Variants in LHFPL3 observed in about 807,000 individuals in gnomAD.
LHFPL3 encodes LHFPL tetraspan subfamily member 3 protein.
A neutral mutation model predicts 19.3 loss-of-function variants in LHFPL3; 5 were observed. The observed-to-expected ratio is 0.26, with a 90% confidence interval of 0.14 to 0.54. The LOEUF is 0.54. LHFPL3 is among the 20% of genes least tolerant of loss of function. The pLI is 0.94. For missense variants in LHFPL3, 249 were observed against 307.4 expected, an observed-to-expected ratio of 0.81 and a Z score of 1.42; for synonymous variants, 133 against 126.2, an observed-to-expected ratio of 1.05 and a Z score of -0.36.
chr7:104,581,125 C>A (rs979561411), intron 1 of LHFPL3, among the ~76,000 whole-genome samples: 14 of 151,832 alleles, frequency 9.2e-5, no homozygotes, highest in African/African-American at 3.4e-4. Context: ...GTGATTGATC[C>A]ATTTTTACAC....
intron 2 of LHFPL3, chr7:104,768,658 G>A (rs961787788): frequency 6.6e-6 from 1 of 152,148 alleles, no homozygotes; most frequent in East Asian, 1.9e-4. Flanking sequence ...AGCAAGCAAA[G>A]CCCTCGGCAC....
At chr7:104,894,342 T>C (rs1182223988) in intron 2 of LHFPL3, among the ~76,000 whole-genome samples, 4 of 152,186 alleles carry the variant, frequency 2.6e-5, no homozygotes. Flanking sequence ...GTAGCTATTA[T>C]CATTATAGGG....
rs557257720 is a variant in LHFPL3, at chr7:104,759,083, C to T, written c.682+22172C>T. 3.3e-5 allele frequency among the ~76,000 whole-genome samples: 5 copies of T among 152,318 alleles called. No individual in the cohort carries two copies. The East Asian group carries it at 7.7e-4, about 23-fold the overall frequency. On this transcript the variant is annotated intron_variant, in intron 2 of 2. Transcript: ENST00000424859. ...GAGGACAAATAGACATCTGAGAGAA[C>T]TGCCTTTTATTGTCTGTTGTTAAGC...
intron 1 of LHFPL3, among the ~76,000 whole-genome samples, chr7:104,669,970 T>C (rs950714160): frequency 5.3e-5 from 8 of 152,204 alleles, no homozygotes; most frequent in Admixed American, 3.9e-4. Flanking sequence ...ATTTCTACCT[T>C]TTAGTTTTTT....
intron 1 of LHFPL3, among the ~76,000 whole-genome samples, chr7:104,711,018 A>G (rs547504392): frequency 2.0e-5 from 3 of 152,352 alleles, no homozygotes; most frequent in African/African-American, 7.2e-5. Context: ...TTAGGTCATG[A>G]TAGGTTTAGA....
intron 1 of LHFPL3, among the ~76,000 whole-genome samples, chr7:104,396,594 T>C (rs1461016345): frequency 1.3e-5 from 2 of 150,854 alleles, no homozygotes; most frequent in Non-Finnish European, 2.9e-5. Flanking sequence ...GCCCATACCC[T>C]TCATTAGATT....
intron 2 of LHFPL3, among the ~76,000 whole-genome samples, chr7:104,770,552 A>G (rs1459663389): frequency 6.6e-6 from 1 of 152,242 alleles, no homozygotes; most frequent in African/African-American, 2.4e-5. Context: ...TAAGCTTCGT[A>G]CCATTCTCAG....
intron 1 of LHFPL3, among the ~76,000 whole-genome samples, chr7:104,699,170 T>A (rs1471507233): frequency 6.6e-6 from 1 of 152,180 alleles, no homozygotes; most frequent in Non-Finnish European, 1.5e-5. Context: ...TACCAGATGA[T>A]CCAGCAATAC....
Position 104,418,428 on chromosome 7 carries a change from A to G in LHFPL3, c.445+89204A>G, listed in dbSNP as rs59812064. 7.5e-3 allele frequency among the ~76,000 whole-genome samples: 1,144 copies of G among 152,208 alleles called. 76 individuals carry two copies. The East Asian group carries it at 0.16, about 22-fold the overall frequency. On this transcript the variant is annotated intron_variant, in intron 1 of 2. Transcript: ENST00000424859. ...GCACCTGTAGTCTTGGCTGCTTGGG[A>G]GGCTGAGGCAGGAGGAACACTTGAG...
In LHFPL3 at chr7:104,906,470, A is replaced by G; in HGVS notation, c.*255A>G. ...GCTCATTGGAAACTCATTGGATGAG[A>G]TCAGAAAACGTTCATGAAAAATCAT... On this transcript the variant is annotated 3_prime_UTR_variant, in exon 3 of 3. Coordinates refer to ENST00000424859, the MANE Select transcript of LHFPL3 (RefSeq NM_199000.3). 2.1e-6 allele frequency: 1 copy of G among 486,242 alleles called. No individual in the cohort carries two copies. 30.1% of individuals were successfully genotyped at this position (486,242 alleles called of 1,614,324 possible).
intron 2 of LHFPL3, among the ~76,000 whole-genome samples, chr7:104,834,165 C>T (rs748979155): frequency 1.3e-5 from 2 of 151,202 alleles, no homozygotes; most frequent in Non-Finnish European, 2.9e-5. Context: ...CTGCCTTCCC[C>T]AGCCCACTGA....
chr7:104,434,804 T>C (rs1479265787), intron 1 of LHFPL3, among the ~76,000 whole-genome samples: 2 of 152,220 alleles, frequency 1.3e-5, no homozygotes, highest in African/African-American at 4.8e-5. Flanking sequence ...CTCAGAAAGC[T>C]ATTATGAAAG....
intron 1 of LHFPL3, among the ~76,000 whole-genome samples, chr7:104,574,996 G>A (rs1460447795): frequency 6.6e-6 from 1 of 152,158 alleles, no homozygotes; most frequent in Non-Finnish European, 1.5e-5. Context: ...CTAGACAATG[G>A]TAACTGCTTT....
intron 1 of LHFPL3, among the ~76,000 whole-genome samples, chr7:104,339,942 T>C (rs894514132): frequency 5.3e-5 from 8 of 152,114 alleles, no homozygotes; most frequent in South Asian, 2.1e-4. Context: ...TCTTAATAGA[T>C]TTGCTTATTG....
intron 2 of LHFPL3, 72 bp downstream of exon 2, chr7:104,736,983 C>A: frequency 8.4e-7 from 1 of 1,195,676 alleles, no homozygotes; most frequent in Non-Finnish European, 1.2e-6. Context: ...ATTCTTTCCC[C>A]TCAAATACTA....
At position 104,739,767 on chromosome 7, in the gene LHFPL3, T is replaced by C. The variant is rs1793897752; in HGVS notation, c.682+2856T>C. Among the ~76,000 whole-genome samples, 4 of 152,216 alleles carry C rather than the reference T, an allele frequency of 2.6e-5. No individual in the cohort carries two copies. The South Asian group carries it at 8.3e-4, about 32-fold the overall frequency. On this transcript the variant is annotated intron_variant, in intron 2 of 2. Transcript: ENST00000424859. ...AAGAATTTATTCAGCACATGATGACTTTCAGTGTCATGGAAGAAGGCAATG... is the reference window on the plus strand; with the variant it reads ...AAGAATTTATTCAGCACATGATGACCTTCAGTGTCATGGAAGAAGGCAATG...
At chr7:104,833,043 A>ATT (rs1562808087) in intron 2 of LHFPL3, among the ~76,000 whole-genome samples, 1 of 1,252 alleles carries the variant, frequency 8.0e-4, no homozygotes, top group Non-Finnish European at 2.0e-3. Flanking sequence ...ATATATATAT[A>ATT]TTATATATAT....
At chr7:104,790,188 G>C (rs1384191568) in intron 2 of LHFPL3, among the ~76,000 whole-genome samples, 3 of 152,168 alleles carry the variant, frequency 2.0e-5, no homozygotes, top group Non-Finnish European at 4.4e-5. Flanking sequence ...CGTTGAAATT[G>C]ATATTAAAGC....
At chr7:104,810,671 A>C (rs192628736) in intron 2 of LHFPL3, among the ~76,000 whole-genome samples, 30 of 152,308 alleles carry the variant, frequency 2.0e-4, no homozygotes, top group Admixed American at 5.2e-4. Context: ...CAGAAATAAA[A>C]GGAGGTGTTA....
Sources: allele counts gnomAD v4.1 joint callset (sites outside exome capture counted in the v4.1 genomes callset), GRCh38; gene constraint gnomAD v4.1.1; transcripts MANE v1.5; gene names NCBI Gene and HGNC (gene_info 2026-07-23, HGNC 2026-07-21).